Variants in SEC11C observed in about 807,000 individuals in gnomAD.
SEC11C encodes SEC11 homolog C, signal peptidase complex subunit, also known as signal peptidase complex catalytic subunit SEC11C.
A neutral mutation model predicts 21.9 loss-of-function variants in SEC11C; 10 were observed. That is an observed-to-expected ratio of 0.46 (90% CI 0.28 to 0.77). The LOEUF (loss-of-function observed/expected upper bound fraction) is 0.77, where lower values mean the gene tolerates loss of function less well. Among genes scored for constraint, SEC11C ranks in the 30% least tolerant of loss-of-function variants. The pLI is 0.12. For missense variants in SEC11C, 145 were observed against 244.5 expected (o/e 0.59, Z 2.71); for synonymous variants, 83 against 85.6 (o/e 0.97, Z 0.17).
chr18:59,149,418 T>C (rs1250127177), intron 1 of SEC11C, 95 bp from the exon 2 acceptor site: 16 of 761,764 alleles, frequency 2.1e-5, no homozygotes, highest in Non-Finnish European at 3.2e-5. Flanking sequence ...TAAAATCATG[T>C]CTTTGAAAAA....
At chr18:59,153,707 T>G (rs900507035) in intron 3 of SEC11C, among the ~76,000 whole-genome samples, 7 of 151,410 alleles carry the variant, frequency 4.6e-5, no homozygotes, top group Admixed American at 2.0e-4. Context: ...TGCACCATCA[T>G]GCCTGGCTAA....
At position 59,155,734 on chromosome 18, in the gene SEC11C, G is replaced by A. The variant is rs564301188; in HGVS notation, c.394G>A (p.Val132Ile). 6.2e-7 allele frequency: 1 copy of A among 1,613,920 alleles called. No homozygotes were observed. Among genetic ancestry groups the A allele is most frequent in the South Asian group, 1.1e-5 (1 of 91,076 alleles). ...KFLTKGDNNE[V>I]DDRGLYKEGQ... ...TCTGACTAAAGGAGATAATAATGAA[G>A]TTGATGATAGAGGCTTGTACAAAGA... The change falls in exon 4 of 6, where the codon GTT becomes ATT. Residue 132 changes from valine to isoleucine, a missense_variant. Coordinates refer to ENST00000587834, the MANE Select transcript of SEC11C (RefSeq NM_033280.4).
intron 2 of SEC11C, among the ~76,000 whole-genome samples, chr18:59,152,035 C>T (rs17065514): frequency 0.054 from 8,229 of 152,030 alleles, 794 homozygotes; most frequent in African/African-American, 0.19. Context: ...ACTTGGGTTC[C>T]GGTTTTGTCC....
At chr18:59,150,975 A>G (rs545932771) in intron 2 of SEC11C, among the ~76,000 whole-genome samples, 5 of 151,078 alleles carry the variant, frequency 3.3e-5, no homozygotes, top group Non-Finnish European at 4.4e-5. Flanking sequence ...TTTTTTTTTT[A>G]AAGCATCCTT....
At chr18:59,153,954 G>A (rs753266123) in intron 3 of SEC11C, among the ~76,000 whole-genome samples, 6 of 152,086 alleles carry the variant, frequency 3.9e-5, no homozygotes, top group South Asian at 2.1e-4. Context: ...TGATCCATCC[G>A]CCTTGGCCTC....
At chr18:59,146,063 T>G (rs12963675) in intron 1 of SEC11C, among the ~76,000 whole-genome samples, 87,181 of 152,064 alleles carry the variant, frequency 0.57, 26,773 homozygotes, top group East Asian at 0.88. Flanking sequence ...CCAGAGTGTA[T>G]CACAGAGAAT....
chr18:59,151,841 A>T (rs566422517), intron 2 of SEC11C, among the ~76,000 whole-genome samples: 1 of 152,336 alleles, frequency 6.6e-6, no homozygotes, highest in African/African-American at 2.4e-5. Flanking sequence ...CATATAATGA[A>T]TTTTTAAAAT....
intron 1 of SEC11C, among the ~76,000 whole-genome samples, chr18:59,145,828 A>G (rs903765544): frequency 5.9e-5 from 9 of 152,232 alleles, no homozygotes; most frequent in African/African-American, 1.7e-4. Flanking sequence ...GTTTAGTTAC[A>G]TAAATACTTA....
chr18:59,140,103 C>A, intron 1 of SEC11C, 68 bp downstream of exon 1: 3 of 1,380,110 alleles, frequency 2.2e-6, no homozygotes, highest in Non-Finnish European at 2.9e-6. Context: ...TCGGGGCTTC[C>A]CAGTCAGGGC....
At chr18:59,155,915 G>A in intron 4 of SEC11C, 108 bp downstream of exon 4, 1 of 1,327,910 alleles carries the variant, frequency 7.5e-7, no homozygotes, top group Non-Finnish European at 1.0e-6. Context: ...GACATATCAG[G>A]AGAGTTTTAA....
chr18:59,153,821 C>T, intron 3 of SEC11C, among the ~76,000 whole-genome samples: 1 of 152,056 alleles, frequency 6.6e-6, no homozygotes, highest in Admixed American at 6.5e-5. Context: ...ATTCTCCTCC[C>T]TCAGCCTCTC....
chr18:59,149,171 A>G lies in SEC11C; in HGVS notation c.88-342A>G, dbSNP rs62095625. Among the ~76,000 whole-genome samples the G allele has an allele frequency of 3.2e-3, 488 of 152,322 alleles. 2 individuals are homozygous for G. The highest frequency in any genetic ancestry group is 5.1e-3 in the Non-Finnish European group (344 of 68,034). ...TGCGCTGTGTCTGGGACTGGTCTGCATCGGGAGGCTCTGGTGGCAGGCCTT... is the reference window on the plus strand; with the variant it reads ...TGCGCTGTGTCTGGGACTGGTCTGCGTCGGGAGGCTCTGGTGGCAGGCCTT... On this transcript the variant is annotated intron_variant, in intron 1 of 5. Transcript: ENST00000587834.
Position 59,148,706 on chromosome 18 carries a change from C to T in SEC11C, c.88-807C>T, listed in dbSNP as rs140803553. Reference sequence around the variant, plus strand: ...ACGGCTCACTGCAAGCTCTGCCTCCCGGGTTCACGCCATTCTCCTGCCTCC... The same window carrying T: ...ACGGCTCACTGCAAGCTCTGCCTCCTGGGTTCACGCCATTCTCCTGCCTCC... On this transcript the variant is annotated intron_variant, in intron 1 of 5. Transcript: ENST00000587834. Among the ~76,000 whole-genome samples, 32 of 152,090 alleles carry T rather than the reference C, an allele frequency of 2.1e-4. No individual in the cohort carries two copies. In the East Asian group the frequency reaches 3.9e-3, roughly 18 times the overall value.
chr18:59,150,823 G>A (rs894651885), intron 2 of SEC11C, among the ~76,000 whole-genome samples: 4 of 152,078 alleles, frequency 2.6e-5, no homozygotes, highest in African/African-American at 9.7e-5. Flanking sequence ...GAAACCTGAG[G>A]CCCAATGAGG....
At chr18:59,151,610 G>A (rs2069355673) in intron 2 of SEC11C, among the ~76,000 whole-genome samples, 1 of 152,122 alleles carries the variant, frequency 6.6e-6, no homozygotes, top group African/African-American at 2.4e-5. Flanking sequence ...AGATGTTCAA[G>A]GTGGGCCAGG....
chr18:59,143,732 CTG>C (rs2069238099), intron 1 of SEC11C, among the ~76,000 whole-genome samples: 1 of 152,200 alleles, frequency 6.6e-6, no homozygotes, highest in Non-Finnish European at 1.5e-5. Context: ...ACTCAACATA[CTG>C]TGTTTGGTCA....
rs559057104 is a variant in SEC11C, at chr18:59,148,653, G to A, written c.88-860G>A. Reference sequence around the variant, plus strand: ...TTTTGAGACGGAGTCTCGCTGTGTCGCCCAGGCTGGAGTGCAGTCGTGCAG... The same window carrying A: ...TTTTGAGACGGAGTCTCGCTGTGTCACCCAGGCTGGAGTGCAGTCGTGCAG... On this transcript the variant is annotated intron_variant, in intron 1 of 5. Coordinates refer to ENST00000587834, the MANE Select transcript of SEC11C (RefSeq NM_033280.4). Among the ~76,000 whole-genome samples, 342 of 149,582 alleles carry A rather than the reference G, an allele frequency of 2.3e-3. 4 individuals are homozygous for A. The highest frequency in any genetic ancestry group is 7.9e-3 in the African/African-American group (319 of 40,430).
chr18:59,142,192 TCTTA>T lies in SEC11C; in HGVS notation c.87+2158_87+2161del, dbSNP rs563277449. Among the ~76,000 whole-genome samples, 173 of 152,332 alleles carry T rather than the reference TCTTA, an allele frequency of 1.1e-3. 2 individuals are homozygous for T. The Middle Eastern group carries it at 0.014, about 12-fold the overall frequency. ...GGTGTTAAAAGTGTGATCTGTGGTTTCTTAGTTTGATTTTTATATTTTTGTGTAT... is the reference window on the plus strand; with the variant it reads ...GGTGTTAAAAGTGTGATCTGTGGTTTGTTTGATTTTTATATTTTTGTGTAT... On this transcript the variant is annotated intron_variant, in intron 1 of 5. Transcript: ENST00000587834.
intron 3 of SEC11C, 89 bp from the exon 4 acceptor site, chr18:59,155,599 C>G (rs1476472838): frequency 1.4e-6 from 2 of 1,391,518 alleles, no homozygotes; most frequent in East Asian, 2.4e-5. Flanking sequence ...ATGCTCCTGT[C>G]TGACAGTAAA....
Sources: allele counts gnomAD v4.1 joint callset (sites outside exome capture counted in the v4.1 genomes callset), GRCh38; gene constraint gnomAD v4.1.1; transcripts MANE v1.5; gene names NCBI Gene and HGNC (gene_info 2026-07-23, HGNC 2026-07-21).